The following TANC1 variants were observed in gnomAD, a reference collection of about 807,000 sequenced individuals.
TANC1 encodes the protein protein TANC1.
TANC1 carries 77 observed loss-of-function variants against 149.7 expected under a neutral mutation model. The observed-to-expected ratio is 0.51, with a 90% CI of 0.43 to 0.62. TANC1 has a LOEUF of 0.62. Among genes scored for constraint, TANC1 ranks in the 20% least tolerant of loss-of-function variants. TANC1 has a pLI of 0.00. For missense variants in TANC1, 1,985 were observed against 2,321.8 expected (o/e 0.85, Z 2.98); for synonymous variants, 854 against 925.0 (o/e 0.92, Z 1.39).
chr2:159,063,605 G>T (rs931411924), intron 2 of TANC1, among the ~76,000 whole-genome samples: 45 of 152,238 alleles, frequency 3.0e-4, no homozygotes, highest in South Asian at 4.1e-4. Context: ...GCTCCAGGTC[G>T]CAGTTTGAAT....
At chr2:159,075,055 AAC>A (rs1022975591) in intron 3 of TANC1, among the ~76,000 whole-genome samples, 5 of 152,138 alleles carry the variant, frequency 3.3e-5, no homozygotes, top group African/African-American at 1.2e-4. Flanking sequence ...GAATTTTGGG[AAC>A]ACAATTCATC....
At chr2:159,068,079 G>C (rs562974598) in intron 3 of TANC1, among the ~76,000 whole-genome samples, 1 of 152,302 alleles carries the variant, frequency 6.6e-6, no homozygotes, top group African/African-American at 2.4e-5. Context: ...TGCATGGTAT[G>C]TGCCTTTTTG....
intron 17 of TANC1, among the ~76,000 whole-genome samples, chr2:159,196,025 T>C (rs2057818577): frequency 1.3e-5 from 2 of 152,238 alleles, no homozygotes; most frequent in African/African-American, 4.8e-5. Flanking sequence ...CTAGCTGGCC[T>C]GCCCTGACTT....
At chr2:159,175,372 C>A (rs1559396382) in intron 12 of TANC1, among the ~76,000 whole-genome samples, 188 bp downstream of exon 12, 1 of 152,138 alleles carries the variant, frequency 6.6e-6, no homozygotes, top group South Asian at 2.1e-4. Flanking sequence ...TCCTACACCA[C>A]CCCTATGGTA....
chr2:159,067,348 T>A (rs1035864539), intron 3 of TANC1, among the ~76,000 whole-genome samples: 2 of 152,208 alleles, frequency 1.3e-5, no homozygotes, highest in Non-Finnish European at 2.9e-5. Flanking sequence ...AAGCTTCTCA[T>A]CAATGCCTGG....
chr2:159,175,244 TC>T, intron 12 of TANC1, 60 bp downstream of exon 12: 1 of 1,422,954 alleles, frequency 7.0e-7, no homozygotes, highest in Non-Finnish European at 9.9e-7. Context: ...ACACAGGTGG[TC>T]CCCAGAAGGC....
chr2:159,135,382 G>C (rs1204956133), intron 4 of TANC1, among the ~76,000 whole-genome samples: 7 of 152,244 alleles, frequency 4.6e-5, no homozygotes, highest in South Asian at 2.1e-4. Flanking sequence ...GTGAGCATTC[G>C]TGTACAAGTT....
At chr2:158,995,305 A>G (rs1341952418) in intron 1 of TANC1, among the ~76,000 whole-genome samples, 1 of 152,198 alleles carries the variant, frequency 6.6e-6, no homozygotes, top group African/African-American at 2.4e-5. Context: ...TTATATTGCC[A>G]TTGAACTTCC....
At chr2:159,161,361 G>C (rs2054029840) in intron 7 of TANC1, among the ~76,000 whole-genome samples, 1 of 152,218 alleles carries the variant, frequency 6.6e-6, no homozygotes, top group African/African-American at 2.4e-5. Flanking sequence ...CCTGTCACTT[G>C]GATGTTGGAG....
At chr2:159,222,709 A>G (rs546679505) in intron 22 of TANC1, among the ~76,000 whole-genome samples, 1 of 152,318 alleles carries the variant, frequency 6.6e-6, no homozygotes, top group South Asian at 2.1e-4. Flanking sequence ...TGGGTGTCCA[A>G]GTATTTATTC....
At chr2:159,112,642 A>T (rs2047860667) in intron 4 of TANC1, among the ~76,000 whole-genome samples, 1 of 146,732 alleles carries the variant, frequency 6.8e-6, no homozygotes, top group South Asian at 2.1e-4. Context: ...ATCACAGCTC[A>T]CTGCATCCTT....
intron 4 of TANC1, among the ~76,000 whole-genome samples, chr2:159,107,837 A>G (rs201008086): frequency 1.3e-5 from 2 of 152,132 alleles, no homozygotes; most frequent in East Asian, 3.9e-4. Context: ...CATCTGTAGC[A>G]CTGTGTCTCC....
At chr2:159,017,044 A>G (rs772464010) in intron 2 of TANC1, among the ~76,000 whole-genome samples, 11 of 94,040 alleles carry the variant, frequency 1.2e-4, no homozygotes, top group Non-Finnish European at 2.2e-4. Flanking sequence ...TCCTAGGAGT[A>G]TAAAAGTAAT....
chr2:159,116,193 G>A (rs756852769), intron 4 of TANC1, among the ~76,000 whole-genome samples: 2 of 152,140 alleles, frequency 1.3e-5, no homozygotes, highest in Non-Finnish European at 2.9e-5. Context: ...TTGGGAGGCC[G>A]AGGCAGACAG....
intron 2 of TANC1, among the ~76,000 whole-genome samples, chr2:159,036,060 TGA>T (rs1402276031): frequency 6.6e-6 from 1 of 152,156 alleles, no homozygotes; most frequent in Non-Finnish European, 1.5e-5. Flanking sequence ...TTAGGACAGA[TGA>T]GGAGTCTCCC....
At chr2:159,168,347 T>A (rs1345895415) in intron 8 of TANC1, among the ~76,000 whole-genome samples, 1 of 147,860 alleles carries the variant, frequency 6.8e-6, no homozygotes, top group Admixed American at 6.9e-5. Flanking sequence ...TCACCCAGGC[T>A]GGAGTGTAGT....
chr2:159,102,712 CTTTTTTTTTT>C (rs755803794), intron 4 of TANC1, among the ~76,000 whole-genome samples: 303 of 26,474 alleles, frequency 0.011, 1 homozygote, highest in Admixed American at 0.025. Context: ...TGGATATTTG[CTTTTTTTTTT>C]TTTTTTTTTT....
chr2:159,174,866 A>G, intron 11 of TANC1, 87 bp from the exon 12 acceptor site: 1 of 991,178 alleles, frequency 1.0e-6, no homozygotes, highest in East Asian at 2.4e-5. Flanking sequence ...TTACCAGCGA[A>G]TGGGCAGAGT....
rs2037510271 is a variant in TANC1, at chr2:159,009,125, A to T, written c.-16+7936A>T. On this transcript the variant is annotated intron_variant, in intron 2 of 26. Transcript: ENST00000263635. ...ATAGATTGCCCAAAGCTTTATTTTC[A>T]CTTGAGAGTGTTTAAAACTATGTAC... is the stretch of plus-strand genomic sequence containing the variant. Among the ~76,000 whole-genome samples the T allele has an allele frequency of 2.6e-5, 4 of 152,308 alleles. No homozygotes were observed. In the South Asian group the frequency reaches 8.3e-4, roughly 32 times the overall value.
Sources: allele counts gnomAD v4.1 joint callset (sites outside exome capture counted in the v4.1 genomes callset), GRCh38; gene constraint gnomAD v4.1.1; transcripts MANE v1.5; gene names NCBI Gene and HGNC (gene_info 2026-07-23, HGNC 2026-07-21).